Variants in DKK2 observed in about 807,000 individuals in gnomAD.
DKK2 encodes the protein dickkopf Wnt signaling pathway inhibitor 2.
A neutral mutation model predicts 28.1 loss-of-function variants in DKK2; 11 were observed. That is an observed-to-expected ratio of 0.39 (90% CI 0.25 to 0.65). The LOEUF is 0.65. Ranked by LOEUF, DKK2 falls within the 30% of genes least tolerant of loss-of-function variation. The probability of loss-of-function intolerance (pLI) is 0.47; values close to 1 mark genes in which losing one functional copy is unlikely to be tolerated. For synonymous variants in DKK2, 135 were observed against 126.5 expected (o/e 1.07, Z -0.45); for missense variants, 326 against 335.5 (o/e 0.97, Z 0.22).
At chr4:107,006,559 T>A (rs1014002035) in intron 1 of DKK2, among the ~76,000 whole-genome samples, 1 of 152,168 alleles carries the variant, frequency 6.6e-6, no homozygotes, top group African/African-American at 2.4e-5. Context: ...TCCAAGATCA[T>A]GTTAACTGCA....
At chr4:107,000,438 C>G (rs1560589349) in intron 1 of DKK2, among the ~76,000 whole-genome samples, 1 of 152,272 alleles carries the variant, frequency 6.6e-6, no homozygotes, top group East Asian at 1.9e-4. Flanking sequence ...AGACACTAAA[C>G]TACTTTTAGC....
At chr4:107,011,874 T>C (rs1268355168) in intron 1 of DKK2, among the ~76,000 whole-genome samples, 4 of 151,416 alleles carry the variant, frequency 2.6e-5, no homozygotes, top group Admixed American at 6.6e-5. Context: ...AGCACCTTAG[T>C]ATTATTAATG....
intron 1 of DKK2, among the ~76,000 whole-genome samples, chr4:107,033,783 T>C (rs972126233): frequency 6.6e-6 from 1 of 152,138 alleles, no homozygotes; most frequent in Middle Eastern, 3.2e-3. Flanking sequence ...AGAGCACCCA[T>C]TCTTTCTAAT....
At chr4:107,007,375 T>C (rs950878267) in intron 1 of DKK2, among the ~76,000 whole-genome samples, 3 of 152,184 alleles carry the variant, frequency 2.0e-5, no homozygotes, top group African/African-American at 4.8e-5. Flanking sequence ...TTCATATGTA[T>C]TGTATTTCCT....
chr4:107,001,696 A>G (rs909668875), intron 1 of DKK2, among the ~76,000 whole-genome samples: 2 of 152,158 alleles, frequency 1.3e-5, no homozygotes, highest in Non-Finnish European at 2.9e-5. Context: ...GAGACCATGG[A>G]TTACCATGTT....
At chr4:107,005,651 T>C (rs1230209245) in intron 1 of DKK2, among the ~76,000 whole-genome samples, 4 of 152,170 alleles carry the variant, frequency 2.6e-5, no homozygotes, top group African/African-American at 9.7e-5. Context: ...ACATTATTTT[T>C]CTGAACTTGC....
chr4:107,033,211 C>A (rs1723903678), intron 1 of DKK2, among the ~76,000 whole-genome samples: 1 of 151,880 alleles, frequency 6.6e-6, no homozygotes, highest in Admixed American at 6.6e-5. Flanking sequence ...TTTTCACAAG[C>A]CTAATGTCAA....
At chr4:106,980,673 G>C (rs1368829084) in intron 1 of DKK2, among the ~76,000 whole-genome samples, 1 of 152,112 alleles carries the variant, frequency 6.6e-6, no homozygotes, top group Non-Finnish European at 1.5e-5. Flanking sequence ...GCAAGCTAAA[G>C]TTCATAGAGC....
At chr4:106,956,125 C>A (rs1160058267) in intron 1 of DKK2, among the ~76,000 whole-genome samples, 1 of 152,056 alleles carries the variant, frequency 6.6e-6, no homozygotes, top group Non-Finnish European at 1.5e-5. Flanking sequence ...AATAATAATA[C>A]AATCTAAGAA....
intron 1 of DKK2, among the ~76,000 whole-genome samples, chr4:106,984,878 C>T (rs747272098): frequency 1.3e-5 from 2 of 152,088 alleles, no homozygotes; most frequent in Non-Finnish European, 2.9e-5. Flanking sequence ...GCCTGTAATC[C>T]CCAGAGAAAT....
At position 106,924,584 on chromosome 4, in the gene DKK2, T is replaced by G. The variant is rs745406082; in HGVS notation, c.490A>C (p.Asn164His). The G allele has an allele frequency of 6.2e-6, 10 of 1,613,950 alleles. No homozygotes were observed. Among genetic ancestry groups the G allele is most frequent in the Admixed American group, 3.3e-5 (2 of 60,010 alleles). Residue 164 changes from asparagine (N) to histidine (H), a missense_variant, in exon 3 of 4, where the codon AAT becomes CAT. Coordinates refer to ENST00000285311, the MANE Select transcript of DKK2 (RefSeq NM_014421.3). The stretch of plus-strand genomic sequence containing the variant: ...ATCTTAGTGTGTGGTCTTCCTAGAT[T>G]CTGCCATCCCAAGTCATGGTTTGAG... ...HYSNHDLGWQ[N>H]LGRPHTKMSH...
intron 1 of DKK2, among the ~76,000 whole-genome samples, chr4:106,970,903 G>A (rs1039264977): frequency 1.4e-4 from 21 of 152,240 alleles, no homozygotes; most frequent in African/African-American, 4.8e-4. Flanking sequence ...AGAAGGACTA[G>A]AGAGGTGAAG....
At chr4:106,969,359 TG>T (rs1160368245) in intron 1 of DKK2, among the ~76,000 whole-genome samples, 1 of 151,950 alleles carries the variant, frequency 6.6e-6, no homozygotes, top group Non-Finnish European at 1.5e-5. Context: ...ACTATTTTTC[TG>T]GGATTCTCTC....
At chr4:106,934,086 CAT>C (rs1212380628) in intron 1 of DKK2, among the ~76,000 whole-genome samples, 30 of 150,188 alleles carry the variant, frequency 2.0e-4, no homozygotes, top group South Asian at 1.1e-3. Flanking sequence ...CACACACACA[CAT>C]ATGTATGTAT....
At position 107,035,486 on chromosome 4, in the gene DKK2, T is replaced by C; in HGVS notation, c.106A>G (p.Asn36Asp). ...CCGCCCAGAGAGGACTTGATGGAGT[T>C]GAGTTTGGCCCGCGAACTGCCGATC... The part of the protein sequence containing the change: ...SQIGSSRAKL[N>D]SIKSSLGGET... The change falls in exon 1 of 4, where the codon AAC becomes GAC. Residue 36 changes from asparagine to aspartate, a missense_variant. Asn to Asp is a conservative substitution (Grantham distance 23, BLOSUM62 1). Coordinates refer to ENST00000285311, the MANE Select transcript of DKK2 (RefSeq NM_014421.3). The C allele has an allele frequency of 6.2e-7, 1 of 1,614,152 alleles. No homozygotes were observed. Among genetic ancestry groups the C allele is most frequent in the African/African-American group, 1.3e-5 (1 of 75,056 alleles).
At chr4:107,011,696 TG>T (rs1383405595) in intron 1 of DKK2, among the ~76,000 whole-genome samples, 1 of 151,300 alleles carries the variant, frequency 6.6e-6, no homozygotes, top group Non-Finnish European at 1.5e-5. Context: ...TCTGAGTGTG[TG>T]TGTGTGTGTG....
At chr4:106,994,331 T>G (rs1723242921) in intron 1 of DKK2, among the ~76,000 whole-genome samples, 2 of 152,196 alleles carry the variant, frequency 1.3e-5, no homozygotes. Flanking sequence ...TACATTCACT[T>G]GACATAATTT....
Position 106,995,476 on chromosome 4 carries a change from T to C in DKK2, c.222+39894A>G, listed in dbSNP as rs1407091810. Among the ~76,000 whole-genome samples the C allele has an allele frequency of 2.0e-5, 3 of 152,234 alleles. No homozygotes were observed. The East Asian group carries it at 5.8e-4, about 29-fold the overall frequency. On this transcript the variant is annotated intron_variant, in intron 1 of 3. Coordinates refer to ENST00000285311, the MANE Select transcript of DKK2 (RefSeq NM_014421.3). ...AACAAATTCATTTTGCTCTTGCTTA[T>C]TCAGTTTTTGCTAAAGGAAATTTTA...
Position 106,932,479 on chromosome 4 carries a change from T to C in DKK2, c.223-6530A>G, listed in dbSNP as rs147026734. ...TCAACTGTAGCATGTACAATACTGATATTGATCATGGGATGAATGGAGAGA... is the reference window on the plus strand; with the variant it reads ...TCAACTGTAGCATGTACAATACTGACATTGATCATGGGATGAATGGAGAGA... On this transcript the variant is annotated intron_variant, in intron 1 of 3. Transcript: ENST00000285311. Among the ~76,000 whole-genome samples, 52 of 152,320 alleles carry C rather than the reference T, an allele frequency of 3.4e-4. No homozygotes were observed. The East Asian group carries it at 8.7e-3, about 25-fold the overall frequency.
Sources: allele counts gnomAD v4.1 joint callset (sites outside exome capture counted in the v4.1 genomes callset), GRCh38; gene constraint gnomAD v4.1.1; transcripts MANE v1.5; gene names NCBI Gene and HGNC (gene_info 2026-07-23, HGNC 2026-07-21).